TMEM117: variants seen among roughly 807,000 people sequenced by gnomAD.
The protein encoded by TMEM117 is transmembrane protein 117.
Under a neutral mutation model 52.4 loss-of-function variants are expected in TMEM117, and 27 were observed. The ratio of observed to expected loss-of-function variants is 0.51; its 90% CI spans 0.38 to 0.71. TMEM117 has a LOEUF of 0.71. TMEM117 is among the 30% of genes least tolerant of loss of function. The pLI is 0.00. For missense variants in TMEM117, 556 were observed against 630.5 expected (o/e 0.88, Z 1.26); for synonymous variants, 215 against 206.3 (o/e 1.04, Z -0.36).
At chr12:43,832,712 C>T (rs1019618667), upstream of TMEM117, among the ~76,000 whole-genome samples, 26 of 152,268 alleles carry the variant, frequency 1.7e-4, no homozygotes, top group African/African-American at 6.3e-4. Context: ...GAGGTTAAAA[C>T]GTGGGCTGAC....
rs1396756756 is a variant in TMEM117, at chr12:44,008,679, G to A, written c.410+64337G>A. On this transcript the variant is annotated intron_variant, in intron 3 of 7. Transcript: ENST00000266534. Reference sequence around the variant, plus strand: ...CTGTGGCTTTTCTGGTGTCTAAGACGGTTCAACCACCTACTAAAGTTTCTT... The same window carrying A: ...CTGTGGCTTTTCTGGTGTCTAAGACAGTTCAACCACCTACTAAAGTTTCTT... The A allele has an allele frequency of 1.6e-5, 5 of 306,936 alleles. No individual in the cohort carries two copies. In the East Asian group the frequency reaches 3.9e-4, roughly 24 times the overall value. The allele number at this position is 306,936 out of a possible 1,614,324, so 19.0% of individuals were successfully genotyped here. A position where few individuals can be genotyped will look rare whatever the true frequency, so the allele number is the denominator to read the frequency against.
chr12:44,309,294 A>C (rs77760509), intron 6 of TMEM117, among the ~76,000 whole-genome samples: 6,717 of 152,218 alleles, frequency 0.044, 193 homozygotes, highest in African/African-American at 0.079. Context: ...CTGATGTAGA[A>C]GCTGGGTCTT....
chr12:44,246,522 G>A (rs1017885072), intron 5 of TMEM117, among the ~76,000 whole-genome samples: 1 of 152,124 alleles, frequency 6.6e-6, no homozygotes, highest in Non-Finnish European at 1.5e-5. Context: ...CAGATAAGAT[G>A]TTTAGTGTCA....
chr12:43,975,379 A>G (rs1945655889), intron 3 of TMEM117, among the ~76,000 whole-genome samples: 1 of 152,194 alleles, frequency 6.6e-6, no homozygotes, highest in Non-Finnish European at 1.5e-5. Flanking sequence ...TCCCAGGTAT[A>G]ATAATTATAG....
chr12:44,064,572 G>C (rs950526601), intron 3 of TMEM117, among the ~76,000 whole-genome samples: 3 of 151,980 alleles, frequency 2.0e-5, no homozygotes, highest in Non-Finnish European at 4.4e-5. Flanking sequence ...GAAATGTTTT[G>C]CAGTGTCATT....
intron 3 of TMEM117, among the ~76,000 whole-genome samples, chr12:44,042,054 C>T (rs1439601146): frequency 1.3e-5 from 2 of 152,212 alleles, no homozygotes; most frequent in African/African-American, 4.8e-5. Flanking sequence ...TTAAGTCAAA[C>T]TTCTCTCTTA....
intron 5 of TMEM117, among the ~76,000 whole-genome samples, chr12:44,268,391 G>A (rs1950405455): frequency 1.3e-5 from 2 of 151,884 alleles, no homozygotes; most frequent in Admixed American, 6.6e-5. Flanking sequence ...TGATCCACCC[G>A]CCTCGGCCTC....
downstream of TMEM117, among the ~76,000 whole-genome samples, chr12:44,393,151 T>C (rs549839379): frequency 6.6e-6 from 1 of 152,274 alleles, no homozygotes; most frequent in East Asian, 1.9e-4. Flanking sequence ...TATTTTACTT[T>C]AGTGAATATA....
At chr12:44,137,131 T>C (rs1298664171) in intron 3 of TMEM117, among the ~76,000 whole-genome samples, 1 of 151,522 alleles carries the variant, frequency 6.6e-6, no homozygotes, top group African/African-American at 2.4e-5. Flanking sequence ...TTTATTACCC[T>C]TGATGAAGCA....
At chr12:44,092,135 A>G (rs1434900650) in intron 3 of TMEM117, among the ~76,000 whole-genome samples, 1 of 152,232 alleles carries the variant, frequency 6.6e-6, no homozygotes, top group Non-Finnish European at 1.5e-5. Flanking sequence ...ATAGTGAAGA[A>G]TCCGATATGT....
At chr12:43,863,525 G>A (rs1023605111) in intron 2 of TMEM117, among the ~76,000 whole-genome samples, 6 of 152,168 alleles carry the variant, frequency 3.9e-5, no homozygotes, top group African/African-American at 1.4e-4. Flanking sequence ...TTGATTTGGG[G>A]ACTCAGAGCA....
chr12:44,251,320 T>G (rs780455232), intron 5 of TMEM117, among the ~76,000 whole-genome samples: 2 of 152,254 alleles, frequency 1.3e-5, no homozygotes, highest in Non-Finnish European at 2.9e-5. Flanking sequence ...ATGTGGTTAC[T>G]GACAGATCTG....
intron 6 of TMEM117, among the ~76,000 whole-genome samples, chr12:44,336,929 C>T (rs971349504): frequency 1.3e-5 from 2 of 152,004 alleles, no homozygotes; most frequent in Admixed American, 6.6e-5. Context: ...ATAATTGATG[C>T]TGCTGACGGG....
At chr12:44,348,020 A>G (rs1279726188) in intron 6 of TMEM117, among the ~76,000 whole-genome samples, 2 of 152,032 alleles carry the variant, frequency 1.3e-5, no homozygotes, top group Non-Finnish European at 2.9e-5. Context: ...GGAGTAATGG[A>G]AACTACTGCT....
intron 2 of TMEM117, among the ~76,000 whole-genome samples, chr12:43,890,936 G>C (rs1944092483): frequency 6.6e-6 from 1 of 151,992 alleles, no homozygotes; most frequent in Non-Finnish European, 1.5e-5. Context: ...AAATTCATCT[G>C]ACTTTTTTTT....
chr12:44,130,023 C>A (rs181015005), intron 3 of TMEM117, among the ~76,000 whole-genome samples: 1 of 152,158 alleles, frequency 6.6e-6, no homozygotes, highest in Non-Finnish European at 1.5e-5. Flanking sequence ...CCTTTTGTGG[C>A]ACCATCCGAT....
chr12:44,017,160 C>T (rs938744345), intron 3 of TMEM117, among the ~76,000 whole-genome samples: 1 of 151,772 alleles, frequency 6.6e-6, no homozygotes, highest in African/African-American at 2.4e-5. Context: ...CTGATCTGCT[C>T]ATTTAGCAGG....
intron 4 of TMEM117, among the ~76,000 whole-genome samples, chr12:44,160,033 G>A (rs538105626): frequency 3.3e-5 from 5 of 152,140 alleles, no homozygotes; most frequent in African/African-American, 9.7e-5. Context: ...GGCTCAGAGA[G>A]AAGTGGCAGA....
the TMEM117 span, chr12:43,806,334 C>A: frequency 7.8e-7 from 1 of 1,286,336 alleles, no homozygotes; most frequent in South Asian, 2.4e-5. Context: ...CCTCCGCCGG[C>A]CCCGGCGCGT....
Sources: allele counts gnomAD v4.1 joint callset (sites outside exome capture counted in the v4.1 genomes callset), GRCh38; gene constraint gnomAD v4.1.1; transcripts MANE v1.5; gene names NCBI Gene and HGNC (gene_info 2026-07-23, HGNC 2026-07-21).